The following NIP7 variants were observed in gnomAD, a reference collection of about 807,000 sequenced individuals.
The protein encoded by NIP7 is nucleolar pre-rRNA processing protein NIP7.
A neutral mutation model predicts 20.1 loss-of-function variants in NIP7; 12 were observed. The observed-to-expected ratio is 0.60, with a 90% CI of 0.38 to 0.97. The LOEUF is 0.97. Ranked by LOEUF, NIP7 falls within the 50% of genes least tolerant of loss-of-function variation. The pLI is 0.00. For missense variants in NIP7, 226 were observed against 226.6 expected (o/e 1.00, Z 0.02); for synonymous variants, 103 against 87.2 (o/e 1.18, Z -1.01).
intron 1 of NIP7, 25 bp downstream of exon 1, chr16:69,339,910 G>A: frequency 4.3e-6 from 7 of 1,613,680 alleles, no homozygotes; most frequent in Non-Finnish European, 5.1e-6. Context: ...GGCGGACGCG[G>A]GAGTGTGTGG....
Position 69,341,088 on chromosome 16 carries a change from C to A in NIP7, c.283-92C>A, listed in dbSNP as rs993128363. ...CTCTCTGTTTCCCTTAAAATTATTT[C>A]AGAAAATTATTCACAGATCCAGCAG... On this transcript the variant is annotated intron_variant, in intron 3 of 4. Coordinates refer to ENST00000254940, the MANE Select transcript of NIP7 (RefSeq NM_016101.5). 2.2e-5 allele frequency: 24 copies of A among 1,092,044 alleles called. 1 individual carries two copies. In the South Asian group the frequency reaches 3.5e-4, roughly 16 times the overall value. The allele number at this position is 1,092,044 out of a possible 1,614,324, so 67.6% of individuals were successfully genotyped here.
Position 69,341,526 on chromosome 16 carries a change from A to G in NIP7, c.424-7A>G. 6.2e-7 allele frequency: 1 copy of G among 1,612,782 alleles called. No individual in the cohort carries two copies. Among genetic ancestry groups the G allele is most frequent in the Non-Finnish European group, 8.5e-7 (1 of 1,179,686 alleles). On this transcript the variant is annotated splice_polypyrimidine_tract_variant and splice_region_variant and intron_variant, in intron 4 of 4. Coordinates refer to ENST00000254940, the MANE Select transcript of NIP7 (RefSeq NM_016101.5). ...AGTGAGTTAGTGTCTCTTCTTTTGA[A>G]TCCCAGGGTTTTGGGGTGGCAGCCA...
At chr16:69,341,454 C>T (rs1322307140) in intron 4 of NIP7, 79 bp from the exon 5 acceptor site, 10 of 1,580,746 alleles carry the variant, frequency 6.3e-6, no homozygotes, top group Admixed American at 1.8e-5. Flanking sequence ...GTATTTTTTC[C>T]GTCTTTGTTA....
intron 3 of NIP7, chr16:69,340,799 C>T (rs2012511188): frequency 4.5e-6 from 1 of 223,460 alleles, no homozygotes; most frequent in Non-Finnish European, 9.0e-6. Flanking sequence ...CTCACTGCAG[C>T]CTCCACTTTC....
chr16:69,342,709 T>A lies in NIP7; in HGVS notation c.*1057T>A, dbSNP rs1247780802. Reference sequence around the variant, plus strand: ...TATTCCTGTTATTAAGTGTAGAGTTTTATGAGTATAATTTGATTTTATTAC... The same window carrying A: ...TATTCCTGTTATTAAGTGTAGAGTTATATGAGTATAATTTGATTTTATTAC... On this transcript the variant is annotated 3_prime_UTR_variant, in exon 5 of 5. Transcript: ENST00000254940. 6.6e-6 allele frequency: 1 copy of A among 152,146 alleles called. No homozygotes were observed. The highest frequency in any genetic ancestry group is 2.4e-5 in the African/African-American group (1 of 41,442). 9.4% of individuals were successfully genotyped at this position (152,146 alleles called of 1,614,324 possible). A position where few individuals can be genotyped will look rare whatever the true frequency, so the allele number is the denominator to read the frequency against.
Position 69,340,466 on chromosome 16 carries a change from T to A in NIP7, c.282+134T>A, listed in dbSNP as rs1291492579. On this transcript the variant is annotated intron_variant, in intron 3 of 4. Transcript: ENST00000254940. ...TTCAGCACATGGAGATGTGTAGAGGTCTTGCAGCTTGAGCATGGTCAGGGC... is the reference window on the plus strand; with the variant it reads ...TTCAGCACATGGAGATGTGTAGAGGACTTGCAGCTTGAGCATGGTCAGGGC... 2.7e-6 allele frequency: 3 copies of A among 1,118,838 alleles called. No individual in the cohort carries two copies. In the African/African-American group the frequency reaches 4.7e-5, roughly 17 times the overall value. The allele number at this position is 1,118,838 out of a possible 1,614,324, so 69.3% of individuals were successfully genotyped here.
Position 69,341,952 on chromosome 16 carries a change from G to T in NIP7, c.*300G>T. 1 of 231,886 alleles carries T rather than the reference G, an allele frequency of 4.3e-6. No homozygotes were observed. Among genetic ancestry groups the T allele is most frequent in the Non-Finnish European group, 8.5e-6 (1 of 118,304 alleles). 14.4% of individuals were successfully genotyped at this position (231,886 alleles called of 1,614,324 possible). A position where few individuals can be genotyped will look rare whatever the true frequency, so the allele number is the denominator to read the frequency against. On this transcript the variant is annotated 3_prime_UTR_variant, in exon 5 of 5. Coordinates refer to ENST00000254940, the MANE Select transcript of NIP7 (RefSeq NM_016101.5). Reference sequence around the variant, plus strand: ...ATCATTGGAACCAGGAACAAGAATAGCTTATTGTTATCTGTGATAACACTG... The same window carrying T: ...ATCATTGGAACCAGGAACAAGAATATCTTATTGTTATCTGTGATAACACTG...
chr16:69,341,204 G>C lies in NIP7; in HGVS notation c.307G>C (p.Ala103Pro). 1 of 1,614,050 alleles carries C rather than the reference G, an allele frequency of 6.2e-7. No individual in the cohort carries two copies. Among genetic ancestry groups the C allele is most frequent in the Non-Finnish European group, 8.5e-7 (1 of 1,179,928 alleles). The change falls in exon 4 of 5, where the codon GCA (alanine) becomes CCA (proline). Residue 103 changes from alanine (A) to proline (P), a missense_variant. By Grantham distance (27) the Ala-to-Pro change is conservative. Transcript: ENST00000254940. ...GTATAAAGTTTGGATAAAGCCTGGT[G>C]CAGAGCAGTCCTTCCTGTATGGGAA... ...AKYKVWIKPG[A>P]EQSFLYGNHV...
intron 3 of NIP7, chr16:69,340,641 T>G: frequency 2.4e-6 from 1 of 409,444 alleles, no homozygotes; most frequent in Non-Finnish European, 4.4e-6. Context: ...AACCTGGCCA[T>G]GGAGGATGAT....
At chr16:69,340,456 T>C (rs2012494253) in intron 3 of NIP7, 124 bp downstream of exon 3, 2 of 1,194,590 alleles carry the variant, frequency 1.7e-6, no homozygotes, top group South Asian at 2.8e-5. Context: ...CACATGGAGA[T>C]GTGTAGAGGT....
chr16:69,341,602 C>T lies in NIP7; in HGVS notation c.493C>T (p.His165Tyr), dbSNP rs201518205. The T allele has an allele frequency of 5.6e-6, 9 of 1,614,202 alleles. No homozygotes were observed. The highest frequency in any genetic ancestry group is 1.7e-5 in the Admixed American group (1 of 60,022). The change falls in exon 5 of 5, where the codon CAT becomes TAT. Residue 165 changes from histidine (H) to tyrosine (Y), a missense_variant. By Grantham distance (83) the His-to-Tyr change is moderately conservative (BLOSUM62 2). Transcript: ENST00000254940. ...AGACCCCATGGCGATTGTGGTATTT[C>T]ATCAAGCAGACATTGGGGAATATGT... ...KVDPMAIVVF[H>Y]QADIGEYVRH... is the part of the protein sequence containing the mutation.
Position 69,342,985 on chromosome 16 carries a change from A to ATT in NIP7, c.*1335_*1336dup, listed in dbSNP as rs1274103759. On this transcript the variant is annotated 3_prime_UTR_variant, in exon 5 of 5. Transcript: ENST00000254940. ...TCTTTAAATATTTTATAGACAAAAAATTTAAAGACTATCTGTATTGCAAAA... is the reference window on the plus strand; with the variant it reads ...TCTTTAAATATTTTATAGACAAAAAATTTTTAAAGACTATCTGTATTGCAAAA... 1 of 154,574 alleles carries ATT rather than the reference A, an allele frequency of 6.5e-6. No homozygotes were observed. Among genetic ancestry groups the ATT allele is most frequent in the African/African-American group, 2.4e-5 (1 of 41,490 alleles). 9.6% of individuals were successfully genotyped at this position (154,574 alleles called of 1,614,324 possible). A position where few individuals can be genotyped will look rare whatever the true frequency, so the allele number is the denominator to read the frequency against.
intron 2 of NIP7, 22 bp downstream of exon 2, chr16:69,340,114 A>T (rs374023433): frequency 6.2e-7 from 1 of 1,613,374 alleles, no homozygotes; most frequent in Non-Finnish European, 8.5e-7. Flanking sequence ...CCGGGCAGGC[A>T]GCATGGACCC....
In NIP7 at chr16:69,340,109, C is replaced by A; in HGVS notation, c.143+17C>A. 6.2e-7 allele frequency: 1 copy of A among 1,613,406 alleles called. No homozygotes were observed. Among genetic ancestry groups the A allele is most frequent in the Non-Finnish European group, 8.5e-7 (1 of 1,179,994 alleles). On this transcript the variant is annotated intron_variant, in intron 2 of 4. Coordinates refer to ENST00000254940, the MANE Select transcript of NIP7 (RefSeq NM_016101.5). ...CTATGTGAGGTGAGGCGGGGCCGGG[C>A]AGGCAGCATGGACCCAGGGGAGAGG...
Position 69,342,237 on chromosome 16 carries a change from A to G in NIP7, c.*585A>G, listed in dbSNP as rs1428921388. 3 of 152,232 alleles carry G rather than the reference A, an allele frequency of 2.0e-5. No individual in the cohort carries two copies. The highest frequency in any genetic ancestry group is 7.2e-5 in the African/African-American group (3 of 41,448). 9.4% of individuals were successfully genotyped at this position (152,232 alleles called of 1,614,324 possible). A position where few individuals can be genotyped will look rare whatever the true frequency, so the allele number is the denominator to read the frequency against. On this transcript the variant is annotated 3_prime_UTR_variant, in exon 5 of 5. Coordinates refer to ENST00000254940, the MANE Select transcript of NIP7 (RefSeq NM_016101.5). ...ATTTTCTTCTGTTTAAAAAGACACA[A>G]AACTTGAAAATCAGCTTTGGCCATC...
rs746871857 is a variant in NIP7, at chr16:69,340,156, CCTT to C, written c.144-36_144-34del. The C allele has an allele frequency of 1.9e-6, 3 of 1,613,452 alleles. No homozygotes were observed. The African/African-American group carries it at 4.0e-5, about 22-fold the overall frequency. On this transcript the variant is annotated intron_variant, in intron 2 of 4. Coordinates refer to ENST00000254940, the MANE Select transcript of NIP7 (RefSeq NM_016101.5). ...GAGGGGTCCTGGGTCCCACGAGCCT[CCTT>C]CATCCGCAACCTTGCTCCCCCTTTA...
At position 69,340,244 on chromosome 16, in the gene NIP7, C is replaced by T. The variant is rs1164294866; in HGVS notation, c.194C>T (p.Ser65Leu). ...AATATTTCCGGGGACAAGCTGGTGT[C>T]GCTGGGGACCTGCTTTGGAAAATTC... is the stretch of plus-strand genomic sequence containing the variant. ...AANISGDKLVSLGTCFGKFTK... is the reference protein window; with the variant it reads ...AANISGDKLVLLGTCFGKFTK... The change falls in exon 3 of 5, where the codon TCG becomes TTG. Residue 65 changes from serine to leucine, a missense_variant. Coordinates refer to ENST00000254940, the MANE Select transcript of NIP7 (RefSeq NM_016101.5). 2 of 1,614,128 alleles carry T rather than the reference C, an allele frequency of 1.2e-6. No individual in the cohort carries two copies. Among genetic ancestry groups the T allele is most frequent in the Non-Finnish European group, 1.7e-6 (2 of 1,180,040 alleles).
chr16:69,339,946 G>A (rs1191549538), intron 1 of NIP7, 60 bp from the exon 2 acceptor site: 1 of 1,612,936 alleles, frequency 6.2e-7, no homozygotes, highest in Non-Finnish European at 8.5e-7. Context: ...GTGGAGTGGG[G>A]GCGCGGTGCC....
At position 69,339,892 on chromosome 16, in the gene NIP7, G is replaced by A. The variant is rs1304795530; in HGVS notation, c.56+7G>A. 3 of 1,613,760 alleles carry A rather than the reference G, an allele frequency of 1.9e-6. No individual in the cohort carries two copies. The highest frequency in any genetic ancestry group is 2.2e-5 in the East Asian group (1 of 44,878). ...TTGAGAAGATAGCGAAATAGTAGGAGCGCGCGGGGCGGACGCGGGAGTGTG... is the reference window on the plus strand; with the variant it reads ...TTGAGAAGATAGCGAAATAGTAGGAACGCGCGGGGCGGACGCGGGAGTGTG... On this transcript the variant is annotated splice_region_variant and intron_variant, in intron 1 of 4. Coordinates refer to ENST00000254940, the MANE Select transcript of NIP7 (RefSeq NM_016101.5).
Sources: allele counts gnomAD v4.1 joint callset, GRCh38; gene constraint gnomAD v4.1.1; transcripts MANE v1.5; gene names NCBI Gene and HGNC (gene_info 2026-07-23, HGNC 2026-07-21).